The following GPR35 variants were observed in gnomAD, a reference collection of about 807,000 sequenced individuals.
GPR35 encodes KYNA receptor.
For missense variants in GPR35, 372 were observed against 422.5 expected, an observed-to-expected ratio of 0.88 and a Z score of 1.05; for synonymous variants, 207 against 198.4, an observed-to-expected ratio of 1.04 and a Z score of -0.36.
intron 2 of GPR35, among the ~76,000 whole-genome samples, chr2:240,615,499 G>A (rs1048080635): frequency 1.1e-4 from 16 of 152,334 alleles, no homozygotes; most frequent in Middle Eastern, 3.4e-3. Flanking sequence ...TTTTGGAAAT[G>A]TTCAGACTGA....
intron 4 of GPR35, chr2:240,617,450 A>G (rs2043250650): frequency 1.8e-6 from 1 of 563,678 alleles, no homozygotes; most frequent in South Asian, 2.2e-5. Context: ...ATAATAGATA[A>G]TTAACCCTAA....
chr2:240,609,916 A>G (rs910800775), intron 2 of GPR35, among the ~76,000 whole-genome samples: 1 of 150,898 alleles, frequency 6.6e-6, no homozygotes, highest in African/African-American at 2.4e-5. Flanking sequence ...CACATTTAGA[A>G]TTGTTAGATA....
upstream of GPR35, among the ~76,000 whole-genome samples, chr2:240,621,535 G>A (rs1219051631): frequency 1.3e-5 from 2 of 152,196 alleles, no homozygotes; most frequent in Admixed American, 6.5e-5. Context: ...TTACAGATGT[G>A]AGCCACTGCA....
At chr2:240,625,265 G>T, upstream of GPR35, 1 of 985,442 alleles carries the variant, frequency 1.0e-6, no homozygotes, top group Non-Finnish European at 1.2e-6. Context: ...TGTGCCCTCA[G>T]CAAGGATGCT....
intron 1 of GPR35, chr2:240,605,681 G>GTTCAGACCTT (rs2043125659): frequency 6.6e-6 from 1 of 152,412 alleles, no homozygotes. Context: ...GGGCCAAGGT[G>GTTCAGACCTT]TTCAGACCTG....
chr2:240,621,350 G>A (rs1219441162), upstream of GPR35, among the ~76,000 whole-genome samples: 1 of 152,166 alleles, frequency 6.6e-6, no homozygotes, highest in South Asian at 2.1e-4. Flanking sequence ...CGCCTCCCGG[G>A]TTCAAGCAAT....
At chr2:240,615,813 G>A (rs1233482162) in intron 2 of GPR35, among the ~76,000 whole-genome samples, 1 of 152,226 alleles carries the variant, frequency 6.6e-6, no homozygotes, top group Non-Finnish European at 1.5e-5. Flanking sequence ...TTAGAGAACA[G>A]TAAGGTAGAC....
rs75269142 is a variant in GPR35 at position 240,632,115 on chromosome 2, G to A, written c.*1233G>A. ...AGGGCCTCATTCCCAGGAGGGTCCCGTGCCCAGGAGGGCTCTATGCCCAAA... is the reference window on the plus strand; with the variant it reads ...AGGGCCTCATTCCCAGGAGGGTCCCATGCCCAGGAGGGCTCTATGCCCAAA... On this transcript the variant is annotated 3_prime_UTR_variant, in exon 2 of 2. Transcript: ENST00000407714. 0.036 allele frequency among the ~76,000 whole-genome samples: 3,236 copies of A among 91,104 alleles called. 132 individuals carry two copies. Among genetic ancestry groups the A allele is most frequent in the African/African-American group, 0.087 (3,044 of 34,798 alleles). 59.8% of individuals were successfully genotyped at this position (91,104 alleles called of 152,430 possible). A position where few individuals can be genotyped will look rare whatever the true frequency, so the allele number is the denominator to read the frequency against.
At chr2:240,626,861 CA>C (rs1172031631) in intron 1 of GPR35, among the ~76,000 whole-genome samples, 1 of 152,160 alleles carries the variant, frequency 6.6e-6, no homozygotes, top group Non-Finnish European at 1.5e-5. Flanking sequence ...CGGGTCCAGA[CA>C]GGGGGAAGGG....
upstream of GPR35, among the ~76,000 whole-genome samples, chr2:240,622,738 A>G (rs1217832338): frequency 1.3e-5 from 2 of 152,104 alleles, no homozygotes; most frequent in East Asian, 1.9e-4. Context: ...TCCTCGCGTC[A>G]CACATACAGC....
At chr2:240,624,881 T>A (rs1406018711), upstream of GPR35, among the ~76,000 whole-genome samples, 1 of 99,012 alleles carries the variant, frequency 1.0e-5, no homozygotes, top group South Asian at 3.0e-4. Flanking sequence ...GGGGTGGGCT[T>A]GGAGGAGGGG....
At chr2:240,609,433 A>G (rs371101281) in intron 2 of GPR35, among the ~76,000 whole-genome samples, 1 of 152,090 alleles carries the variant, frequency 6.6e-6, no homozygotes, top group East Asian at 1.9e-4. Context: ...AGTTCAAAGT[A>G]TTTTCTTATG....
intron 2 of GPR35, among the ~76,000 whole-genome samples, chr2:240,607,844 T>C (rs1265479789): frequency 1.3e-5 from 2 of 151,594 alleles, no homozygotes; most frequent in Non-Finnish European, 2.9e-5. Flanking sequence ...CCTCCTTCTC[T>C]TCCTCCTCCT....
At chr2:240,621,358 A>G (rs1343926027), upstream of GPR35, among the ~76,000 whole-genome samples, 1 of 152,090 alleles carries the variant, frequency 6.6e-6, no homozygotes, top group African/African-American at 2.4e-5. Context: ...GGGTTCAAGC[A>G]ATTCTCTTGT....
chr2:240,624,713 G>A (rs368965163), upstream of GPR35, among the ~76,000 whole-genome samples: 5 of 152,234 alleles, frequency 3.3e-5, no homozygotes, highest in African/African-American at 1.2e-4. Context: ...CCCTCAGGGT[G>A]GACAGGGCCC....
At chr2:240,615,258 G>A (rs66563511) in intron 2 of GPR35, among the ~76,000 whole-genome samples, 10,671 of 152,148 alleles carry the variant, frequency 0.07, 709 homozygotes, top group African/African-American at 0.17. Context: ...CTCAGATGGT[G>A]CCCAAAAGCC....
At chr2:240,612,966 G>A (rs905678463) in intron 2 of GPR35, among the ~76,000 whole-genome samples, 1 of 152,260 alleles carries the variant, frequency 6.6e-6, no homozygotes, top group Non-Finnish European at 1.5e-5. Context: ...AGCCTCAGCT[G>A]CAGACAGCAG....
intron 3 of GPR35, chr2:240,616,642 T>C (rs936376544): frequency 3.1e-5 from 21 of 669,712 alleles, no homozygotes; most frequent in South Asian, 1.7e-4. Context: ...GGCAGGAAGC[T>C]GCCAAGAGAC....
At position 240,631,687 on chromosome 2, in the gene GPR35, T is replaced by A. The variant is rs1575471940; in HGVS notation, c.*805T>A. ...ATGTCTGGCAGGGGCAGGGGTTGGG[T>A]GCCCACTCAGGTAAAGGCACGATGT... On this transcript the variant is annotated 3_prime_UTR_variant, in exon 2 of 2. Transcript: ENST00000407714. Among the ~76,000 whole-genome samples, 1 of 152,052 alleles carries A rather than the reference T, an allele frequency of 6.6e-6. No homozygotes were observed. Among genetic ancestry groups the A allele is most frequent in the Non-Finnish European group, 1.5e-5 (1 of 68,000 alleles).
Sources: gnomAD v4.1 joint callset for allele counts (sites outside exome capture counted in the v4.1 genomes callset) on GRCh38, gnomAD v4.1.1 for gene constraint, MANE v1.5 for transcripts, NCBI Gene and HGNC (gene_info 2026-07-23, HGNC 2026-07-21) for gene names.